TNNI1: variants seen among roughly 807,000 people sequenced by gnomAD.
TNNI1 encodes troponin I1, slow skeletal type.
TNNI1 carries 14 observed loss-of-function variants against 26.7 expected under a neutral mutation model. The observed-to-expected ratio is 0.52, with a 90% CI of 0.35 to 0.82. The LOEUF (loss-of-function observed/expected upper bound fraction) is 0.82. TNNI1 is among the 40% of genes least tolerant of loss of function. The probability of loss-of-function intolerance (pLI) is 0.01; values close to 1 mark genes in which losing one functional copy is unlikely to be tolerated. For synonymous variants in TNNI1, 79 were observed against 98.2 expected (o/e 0.80, Z 1.16); for missense variants, 164 against 257.0 (o/e 0.64, Z 2.47).
chr1:201,410,180 G>T, intron 8 of TNNI1, 146 bp downstream of exon 8: 1 of 655,948 alleles, frequency 1.5e-6, no homozygotes. Context: ...CTGAGCCCAG[G>T]AGAGCCGACT....
intron 3 of TNNI1, 106 bp downstream of exon 3, chr1:201,417,010 A>G: frequency 1.5e-6 from 2 of 1,367,256 alleles, no homozygotes; most frequent in Admixed American, 3.4e-5. Context: ...GACTCCCACC[A>G]GGCCTTAACA....
chr1:201,416,763 A>G (rs1383109709), intron 3 of TNNI1, among the ~76,000 whole-genome samples: 2 of 152,178 alleles, frequency 1.3e-5, no homozygotes, highest in Non-Finnish European at 2.9e-5. Context: ...TCAGCTCTGC[A>G]TGGAATAGGA....
chr1:201,415,263 A>C lies in TNNI1; in HGVS notation c.16-9T>G, dbSNP rs201588064. ...GTGATCTTGGGTTTTCTCTGTGGGC[A>C]AGAAGAGAGAGAGACAGGTGGTGAG... On this transcript the variant is annotated splice_polypyrimidine_tract_variant and intron_variant, in intron 3 of 8. Transcript: ENST00000361379. The C allele has an allele frequency of 8.1e-6, 13 of 1,613,962 alleles. No homozygotes were observed. The Admixed American group carries it at 1.5e-4, about 19-fold the overall frequency.
rs1302533761 is a variant in TNNI1, at chr1:201,411,695, G to T, written c.280-162C>A. 6.6e-6 allele frequency among the ~76,000 whole-genome samples: 1 copy of T among 152,178 alleles called. No homozygotes were observed. The highest frequency in any genetic ancestry group is 2.1e-4 in the South Asian group (1 of 4,832). Reference sequence around the variant, plus strand: ...AGTCACCAACCTTTTTGTCACCAGGGACCGGTTTTGTGGAAGACACTTTTT... The same window carrying T: ...AGTCACCAACCTTTTTGTCACCAGGTACCGGTTTTGTGGAAGACACTTTTT... On this transcript the variant is annotated intron_variant, in intron 6 of 8. Transcript: ENST00000361379. This position sits in a 1 kb window ranked among gnomAD's most constrained non-coding sequence, Gnocchi z 4.6.
chr1:201,413,198 C>A, intron 5 of TNNI1, 77 bp from the exon 6 acceptor site: 4 of 1,526,024 alleles, frequency 2.6e-6, no homozygotes, highest in South Asian at 2.2e-5. Flanking sequence ...TTGACCCTCT[C>A]CCCAGCCCCT....
At chr1:201,414,191 C>T (rs1021787899) in intron 5 of TNNI1, among the ~76,000 whole-genome samples, 2 of 152,194 alleles carry the variant, frequency 1.3e-5, no homozygotes, top group African/African-American at 4.8e-5. Flanking sequence ...AAAGGGTAGA[C>T]AAGTCCTTGG....
chr1:201,417,252 A>G (rs536854846), intron 2 of TNNI1, 133 bp from the exon 3 acceptor site: 2 of 1,194,404 alleles, frequency 1.7e-6, no homozygotes, highest in East Asian at 4.7e-5. Context: ...GACAACAGTG[A>G]GCCAGAAAGT....
At position 201,417,785 on chromosome 1, in the gene TNNI1, T is replaced by C; in HGVS notation, c.9A>G (p.Glu3=). MP[E]VERKPKITAS... ...CAGATGGCAGTGAGACTACTTACAC[T>C]TCCGGCATGGTGGCAGTGAGACAGC... The change falls in exon 2 of 9, where the codon GAA becomes GAG. Residue 3 remains glutamate (E), a splice_region_variant and synonymous_variant. Coordinates refer to ENST00000361379, the MANE Select transcript of TNNI1 (RefSeq NM_003281.4). The C allele has an allele frequency of 7.6e-7, 1 of 1,313,496 alleles. No individual in the cohort carries two copies. Among genetic ancestry groups the C allele is most frequent in the Non-Finnish European group, 9.8e-7 (1 of 1,022,112 alleles). The allele number at this position is 1,313,496 out of a possible 1,614,324, so 81.4% of individuals were successfully genotyped here.
intron 5 of TNNI1, among the ~76,000 whole-genome samples, chr1:201,413,547 C>G (rs1471553681): frequency 6.6e-6 from 1 of 152,196 alleles, no homozygotes; most frequent in Non-Finnish European, 1.5e-5. Flanking sequence ...GAGTTCAAGA[C>G]CAGCCTGACC....
At chr1:201,413,438 C>CAAACAAAT (rs1662672592) in intron 5 of TNNI1, among the ~76,000 whole-genome samples, 1 of 150,002 alleles carries the variant, frequency 6.7e-6, no homozygotes, top group Non-Finnish European at 1.5e-5. Context: ...AAAAAACAAA[C>CAAACAAAT]AAACAAACAA....
In TNNI1 at chr1:201,411,659, G is replaced by A. The variant is rs1662638350; in HGVS notation, c.280-126C>T. ...CTTAAATTGTCCACCCTTGAAGCCAGACCTATCAGCAGTCACCAACCTTTT... is the reference window on the plus strand; with the variant it reads ...CTTAAATTGTCCACCCTTGAAGCCAAACCTATCAGCAGTCACCAACCTTTT... On this transcript the variant is annotated intron_variant, in intron 6 of 8. Coordinates refer to ENST00000361379, the MANE Select transcript of TNNI1 (RefSeq NM_003281.4). The surrounding 1 kb of genome is among the most constrained non-coding windows in gnomAD (Gnocchi z 4.6). 9.9e-7 allele frequency: 1 copy of A among 1,012,092 alleles called. No homozygotes were observed. The highest frequency in any genetic ancestry group is 3.1e-5 in the East Asian group (1 of 31,880). The allele number at this position is 1,012,092 out of a possible 1,614,324, so 62.7% of individuals were successfully genotyped here.
intron 3 of TNNI1, among the ~76,000 whole-genome samples, chr1:201,416,879 G>A (rs923547731): frequency 6.6e-6 from 1 of 152,108 alleles, no homozygotes; most frequent in African/African-American, 2.4e-5. Flanking sequence ...AGTCCTTCCA[G>A]TGACATGGTA....
intron 1 of TNNI1, among the ~76,000 whole-genome samples, chr1:201,418,135 T>C (rs909813612): frequency 6.1e-5 from 9 of 146,418 alleles, no homozygotes; most frequent in African/African-American, 2.3e-4. Context: ...AGCTTGCCAA[T>C]CCCAGTGGAG....
In TNNI1 at chr1:201,413,058, C is replaced by T. The variant is rs1662665345; in HGVS notation, c.253G>A (p.Ala85Thr). 6.2e-7 allele frequency: 1 copy of T among 1,614,000 alleles called. No individual in the cohort carries two copies. Among genetic ancestry groups the T allele is most frequent in the South Asian group, 1.1e-5 (1 of 91,086 alleles). ...TCCCTGGTGTTGTGGAGGCATTTGG[C>T]CTCAATGTCGTATCGCTCCTCATCC... ...VVDEERYDIE[A>T]KCLHNTREIK... Residue 85 changes from alanine (A) to threonine (T), a missense_variant, in exon 6 of 9, where the codon GCC becomes ACC. Physicochemically the swap from Ala to Thr is moderately conservative, Grantham distance 58. This residue lies in a region of TNNI1 where 117 missense variants were observed against 158.7 expected (regional missense o/e 0.74). Coordinates refer to ENST00000361379, the MANE Select transcript of TNNI1 (RefSeq NM_003281.4).
In TNNI1 at chr1:201,411,424, G is replaced by C. The variant is rs763654425; in HGVS notation, c.389C>G (p.Ser130Cys). The change falls in exon 7 of 9, where the codon TCC becomes TGC. Residue 130 changes from serine (S) to cysteine (C), a missense_variant. Physicochemically the swap from Ser to Cys is moderately radical, Grantham distance 112. Transcript: ENST00000361379. The surrounding 1 kb of genome is among the most constrained non-coding windows in gnomAD (Gnocchi z 4.6). ...CAGATCCATGGACACCTTGTGCTTG[G>C]AGCCCAGCAGGGCCCGGAGCATGGC... ...ADAMLRALLG[S>C]KHKVSMDLRA... 1 of 1,613,916 alleles carries C rather than the reference G, an allele frequency of 6.2e-7. No individual in the cohort carries two copies.
chr1:201,417,397 GA>G (rs1662762502), intron 2 of TNNI1, among the ~76,000 whole-genome samples: 1 of 152,182 alleles, frequency 6.6e-6, no homozygotes, highest in African/African-American at 2.4e-5. Context: ...GGTGGAAGGG[GA>G]GGGAAGCCTT....
intron 1 of TNNI1, among the ~76,000 whole-genome samples, chr1:201,420,929 G>A (rs937181772): frequency 6.6e-6 from 1 of 152,156 alleles, no homozygotes. Context: ...GGGTTACCCT[G>A]TAGATACTGC....
intron 5 of TNNI1, 115 bp from the exon 6 acceptor site, chr1:201,413,236 C>A: frequency 9.1e-7 from 1 of 1,093,634 alleles, no homozygotes; most frequent in Non-Finnish European, 1.4e-6. Context: ...CAGAGAGGAG[C>A]TGACAGTCTC....
chr1:201,416,796 G>A (rs1662748572), intron 3 of TNNI1, among the ~76,000 whole-genome samples: 1 of 152,220 alleles, frequency 6.6e-6, no homozygotes, highest in Non-Finnish European at 1.5e-5. Context: ...GACTGGACCA[G>A]CTCTCAGAGT....
Sources: allele counts gnomAD v4.1 joint callset (sites outside exome capture counted in the v4.1 genomes callset), GRCh38; gene constraint gnomAD v4.1.1; regional missense constraint gnomAD v4.1.1; non-coding constraint Gnocchi (gnomAD v3.1); transcripts MANE v1.5; gene names NCBI Gene and HGNC (gene_info 2026-07-23, HGNC 2026-07-21).